The following ARIH2 variants were observed in gnomAD, a reference collection of about 807,000 sequenced individuals.
ARIH2 encodes ariadne RBR E3 ubiquitin protein ligase 2, also known as E3 ubiquitin-protein ligase ARIH2.
Under a neutral mutation model 79.8 loss-of-function variants are expected in ARIH2, and 12 were observed. That is an observed-to-expected ratio of 0.15 (90% CI 0.10 to 0.24). The LOEUF (loss-of-function observed/expected upper bound fraction) is 0.24, where lower values mean the gene tolerates loss of function less well. ARIH2 is among the 10% of genes least tolerant of loss of function. The pLI is 1.00. For synonymous variants in ARIH2, 224 were observed against 213.9 expected (o/e 1.05, Z -0.41); for missense variants, 301 against 618.3 (o/e 0.49, Z 5.44).
At chr3:48,981,808 G>A in intron 14 of ARIH2, 80 bp downstream of exon 14, 1 of 1,201,904 alleles carries the variant, frequency 8.3e-7, no homozygotes, top group Admixed American at 1.9e-5. Flanking sequence ...AGGAGAGTGA[G>A]GACCAGACCT....
At chr3:48,926,946 C>A (rs1378364376) in intron 2 of ARIH2, 1 of 153,426 alleles carries the variant, frequency 6.5e-6, no homozygotes, top group Non-Finnish European at 1.5e-5. Context: ...ACCAACTATG[C>A]ACCTATTTTT....
chr3:48,978,421 ATGTGTGTGTGTGTGTGTGTG>A (rs1188251261), intron 11 of ARIH2, among the ~76,000 whole-genome samples: 3 of 55,760 alleles, frequency 5.4e-5, no homozygotes, highest in Non-Finnish European at 1.0e-4. Context: ...TAATTTGTGT[ATGTGTGTGTGTGTGTGTGTG>A]TGTGTGTGTG....
chr3:48,956,438 A>ATTTT (rs1559795263), intron 3 of ARIH2, among the ~76,000 whole-genome samples: 1 of 62,218 alleles, frequency 1.6e-5, no homozygotes, highest in Non-Finnish European at 3.2e-5. Context: ...TGCGCCCGGC[A>ATTTT]CTTTTTTTTT....
At chr3:48,941,722 A>G (rs2088276161) in intron 3 of ARIH2, among the ~76,000 whole-genome samples, 1 of 150,700 alleles carries the variant, frequency 6.6e-6, no homozygotes, top group African/African-American at 2.4e-5. Flanking sequence ...CTTCCCGAGT[A>G]GCTGGGACTA....
chr3:48,964,856 T>C (rs1447745593), intron 4 of ARIH2, 63 bp from the exon 5 acceptor site: 13 of 1,278,378 alleles, frequency 1.0e-5, no homozygotes, highest in Non-Finnish European at 1.5e-5. Context: ...TGTCCTGTTA[T>C]TGTTCAGGGG....
At chr3:48,923,201 C>G (rs1352406018) in intron 2 of ARIH2, among the ~76,000 whole-genome samples, 4 of 149,786 alleles carry the variant, frequency 2.7e-5, no homozygotes, top group African/African-American at 9.8e-5. Context: ...AGCGAGACTC[C>G]GTCTCAAAAA....
chr3:48,919,744 A>T (rs1472602769), intron 1 of ARIH2, among the ~76,000 whole-genome samples: 1 of 152,208 alleles, frequency 6.6e-6, no homozygotes, highest in African/African-American at 2.4e-5. Context: ...ATTAGAAAAG[A>T]CAGATACAAA....
chr3:48,949,880 ATG>A (rs1252930893), intron 3 of ARIH2, among the ~76,000 whole-genome samples: 1 of 150,984 alleles, frequency 6.6e-6, no homozygotes, highest in Non-Finnish European at 1.5e-5. Flanking sequence ...CATTTTCTAA[ATG>A]GTGTCTTTTG....
At chr3:48,981,016 CAAAAAAAAAAAAAAAAAA>C (rs34533467) in intron 13 of ARIH2, among the ~76,000 whole-genome samples, 1 of 30,140 alleles carries the variant, frequency 3.3e-5, no homozygotes, top group Non-Finnish European at 5.7e-5. Context: ...GCAAGACTGT[CAAAAAAAAAAAAAAAAAA>C]AAAAAAAAGA....
intron 3 of ARIH2, among the ~76,000 whole-genome samples, chr3:48,936,267 G>A (rs1193502562): frequency 6.6e-6 from 1 of 152,070 alleles, no homozygotes; most frequent in African/African-American, 2.4e-5. Flanking sequence ...CTTCCCCAAA[G>A]AGGGAAGAAT....
chr3:48,964,938 C>A lies in ARIH2; in HGVS notation c.343C>A (p.Gln115Lys). ...ILDRYKSNSAQLLVEARVQPN... is the reference protein window; with the variant it reads ...ILDRYKSNSAKLLVEARVQPN... Reference sequence around the variant, plus strand: ...TTGTAGATACAAGTCCAATTCTGCTCAACTGCTTGTTGAGGCTCGAGTTCA... The same window carrying A: ...TTGTAGATACAAGTCCAATTCTGCTAAACTGCTTGTTGAGGCTCGAGTTCA... The change falls in exon 5 of 16, where the codon CAA becomes AAA. Residue 115 changes from glutamine to lysine, a missense_variant. Coordinates refer to ENST00000356401, the MANE Select transcript of ARIH2 (RefSeq NM_006321.4). The A allele has an allele frequency of 6.2e-7, 1 of 1,613,584 alleles. No homozygotes were observed. The highest frequency in any genetic ancestry group is 1.1e-5 in the South Asian group (1 of 91,012).
intron 3 of ARIH2, among the ~76,000 whole-genome samples, chr3:48,940,829 A>ATATAGC (rs2088064002): frequency 7.0e-6 from 1 of 143,470 alleles, no homozygotes; most frequent in Non-Finnish European, 1.5e-5. Context: ...ATATATATAT[A>ATATAGC]GCCACATACA....
rs534340381 is a variant in ARIH2, at chr3:48,936,907, A to G, written c.255+9094A>G. Among the ~76,000 whole-genome samples the G allele has an allele frequency of 2.8e-3, 432 of 151,984 alleles. 4 individuals are homozygous for G. The highest frequency in any genetic ancestry group is 9.9e-3 in the African/African-American group (410 of 41,420). On this transcript the variant is annotated intron_variant, in intron 3 of 15. Transcript: ENST00000356401. ...GCCGGGCATGGTGGCAGGCGCCTAT[A>G]GTCCCAGCTACTCTGGAGGCTGAGG...
In ARIH2 at chr3:48,985,991, G is replaced by A. The variant is rs1003035173; in HGVS notation, c.*2721G>A. 5 of 152,252 alleles carry A rather than the reference G, an allele frequency of 3.3e-5. No homozygotes were observed. The highest frequency in any genetic ancestry group is 1.9e-4 in the East Asian group (1 of 5,206). The allele number at this position is 152,252 out of a possible 1,614,324, so 9.4% of individuals were successfully genotyped here. A position where few individuals can be genotyped will look rare whatever the true frequency, so the allele number is the denominator to read the frequency against. On this transcript the variant is annotated 3_prime_UTR_variant, in exon 16 of 16. Coordinates refer to ENST00000356401, the MANE Select transcript of ARIH2 (RefSeq NM_006321.4). ...GAGACAACTTGGGGCAGAAACAAGTGTGGAGTCTAATCTCAAGGGTGAAGG... is the reference window on the plus strand; with the variant it reads ...GAGACAACTTGGGGCAGAAACAAGTATGGAGTCTAATCTCAAGGGTGAAGG...
At chr3:48,952,966 G>C (rs1178827379) in intron 3 of ARIH2, among the ~76,000 whole-genome samples, 1 of 151,196 alleles carries the variant, frequency 6.6e-6, no homozygotes, top group Non-Finnish European at 1.5e-5. Context: ...TCTCGTTCTT[G>C]TCACCCAAGC....
chr3:48,984,687 C>G lies in ARIH2; in HGVS notation c.*1417C>G, dbSNP rs1045134356. ...TAGGGCAGGCAGAGCAGTCTATACT[C>G]TCCCAAGCCTGCTTGACCTCCAAGT... On this transcript the variant is annotated 3_prime_UTR_variant, in exon 16 of 16. Transcript: ENST00000356401. 1 of 152,182 alleles carries G rather than the reference C, an allele frequency of 6.6e-6. No individual in the cohort carries two copies. The highest frequency in any genetic ancestry group is 1.9e-4 in the East Asian group (1 of 5,192). The allele number at this position is 152,182 out of a possible 1,614,324, so 9.4% of individuals were successfully genotyped here.
chr3:48,979,387 T>A, intron 11 of ARIH2, 95 bp from the exon 12 acceptor site: 1 of 1,420,532 alleles, frequency 7.0e-7, no homozygotes. Context: ...AGGTGACCCC[T>A]TTGGGAGCAG....
chr3:48,983,314 G>A lies in ARIH2; in HGVS notation c.*44G>A. The A allele has an allele frequency of 1.9e-6, 3 of 1,601,714 alleles. No individual in the cohort carries two copies. The highest frequency in any genetic ancestry group is 2.6e-6 in the Non-Finnish European group (3 of 1,169,532). ...CGGGGTGAGGAAGATGTGGCTGCAAGGTCTCCCGGCTGCCATACTGCATGC... is the reference window on the plus strand; with the variant it reads ...CGGGGTGAGGAAGATGTGGCTGCAAAGTCTCCCGGCTGCCATACTGCATGC... On this transcript the variant is annotated 3_prime_UTR_variant, in exon 16 of 16. Transcript: ENST00000356401.
chr3:48,927,883 T>C, intron 3 of ARIH2, 70 bp downstream of exon 3: 3 of 1,563,198 alleles, frequency 1.9e-6, no homozygotes, highest in Non-Finnish European at 2.6e-6. Flanking sequence ...TGTTAATTAA[T>C]GTCTCCTCCA....
Sources: allele counts gnomAD v4.1 joint callset (sites outside exome capture counted in the v4.1 genomes callset), GRCh38; gene constraint gnomAD v4.1.1; transcripts MANE v1.5; gene names NCBI Gene and HGNC (gene_info 2026-07-23, HGNC 2026-07-21).